ULK4: variants seen among roughly 807,000 people sequenced by gnomAD.
ULK4 encodes the protein unc-51 like kinase 4.
ULK4 carries 133 observed loss-of-function variants against 160.6 expected under a neutral mutation model. The observed-to-expected ratio is 0.83, with a 90% confidence interval of 0.72 to 0.96. The LOEUF (loss-of-function observed/expected upper bound fraction) is 0.96. Among genes scored for constraint, ULK4 ranks in the 40% least tolerant of loss-of-function variants. The probability of loss-of-function intolerance (pLI) is 0.00; values close to 1 mark genes in which losing one functional copy is unlikely to be tolerated. For synonymous variants in ULK4, 534 were observed against 539.8 expected (o/e 0.99, Z 0.15); for missense variants, 1,580 against 1,499.5 (o/e 1.05, Z -0.89).
chr3:41,588,177 A>C (rs2030974794), intron 31 of ULK4, among the ~76,000 whole-genome samples: 3 of 152,018 alleles, frequency 2.0e-5, no homozygotes, highest in African/African-American at 7.3e-5. Flanking sequence ...ACAAAACAAA[A>C]CACCACAATG....
intron 17 of ULK4, among the ~76,000 whole-genome samples, chr3:41,875,755 TAA>T (rs59175514): frequency 0.31 from 47,131 of 151,792 alleles, 10,669 homozygotes; most frequent in African/African-American, 0.65. Flanking sequence ...ATAATCTATA[TAA>T]GTTTTAATAT....
At chr3:41,472,364 T>C (rs1302523790) in intron 32 of ULK4, among the ~76,000 whole-genome samples, 1 of 151,398 alleles carries the variant, frequency 6.6e-6, no homozygotes, top group Admixed American at 6.6e-5. Context: ...AGGTCAGGAG[T>C]TCAAAACCAG....
At chr3:41,510,152 T>C (rs2085521273) in intron 32 of ULK4, among the ~76,000 whole-genome samples, 1 of 152,114 alleles carries the variant, frequency 6.6e-6, no homozygotes, top group Non-Finnish European at 1.5e-5. Context: ...TCCATGCACA[T>C]GGACACCAAA....
intron 35 of ULK4, among the ~76,000 whole-genome samples, chr3:41,353,748 TAC>T (rs2080971575): frequency 7.4e-6 from 1 of 136,048 alleles, no homozygotes; most frequent in South Asian, 2.3e-4. Context: ...CTACTACTAC[TAC>T]TAAAGCAAAA....
intron 35 of ULK4, among the ~76,000 whole-genome samples, chr3:41,325,813 G>A (rs2080330031): frequency 1.3e-5 from 2 of 152,072 alleles, no homozygotes; most frequent in Admixed American, 1.3e-4. Flanking sequence ...CAGCTACTCA[G>A]AAGGCTGAGG....
At chr3:41,714,348 C>A (rs1699600803) in intron 25 of ULK4, among the ~76,000 whole-genome samples, 1 of 152,152 alleles carries the variant, frequency 6.6e-6, no homozygotes, top group Admixed American at 6.5e-5. Context: ...AAAACCATAT[C>A]CTCACTTGTT....
At chr3:41,390,494 A>G (rs906117757) in intron 35 of ULK4, among the ~76,000 whole-genome samples, 17 of 151,672 alleles carry the variant, frequency 1.1e-4, no homozygotes, top group Non-Finnish European at 1.3e-4. Flanking sequence ...GCTTTCTCTT[A>G]CGGGCATTTA....
At chr3:41,834,868 AC>A (rs1218171181) in intron 18 of ULK4, among the ~76,000 whole-genome samples, 1 of 152,192 alleles carries the variant, frequency 6.6e-6, no homozygotes, top group Non-Finnish European at 1.5e-5. Context: ...ACATGGCGAA[AC>A]CCCATCTTCA....
At chr3:41,761,823 C>G (rs940568582) in intron 21 of ULK4, among the ~76,000 whole-genome samples, 1 of 152,048 alleles carries the variant, frequency 6.6e-6, no homozygotes, top group African/African-American at 2.4e-5. Context: ...AACCTGTAAT[C>G]CCAGCACTAT....
chr3:41,595,068 C>T (rs2031600840), intron 31 of ULK4, among the ~76,000 whole-genome samples: 1 of 152,180 alleles, frequency 6.6e-6, no homozygotes, highest in Admixed American at 6.5e-5. Flanking sequence ...TCTATAAAGT[C>T]TAAGATATTT....
In ULK4 at chr3:41,615,697, A is replaced by C. The variant is rs2032929486; in HGVS notation, c.3092T>G (p.Leu1031Arg). Reference protein sequence around the residue: ...TFTRLVEESKLIPLIFEVTLE... With the variant: ...TFTRLVEESKRIPLIFEVTLE... ...AGTTACTTCAAAAATGAGTGGGATCAGTTTGCTTTCTTCCACAAGTCTGTT... is the reference window on the plus strand; with the variant it reads ...AGTTACTTCAAAAATGAGTGGGATCCGTTTGCTTTCTTCCACAAGTCTGTT... The change falls in exon 31 of 37, where the codon CTG (leucine) becomes CGG (arginine). Residue 1031 changes from leucine (L) to arginine (R), a missense_variant. Transcript: ENST00000301831. 1 of 1,613,320 alleles carries C rather than the reference A, an allele frequency of 6.2e-7. No individual in the cohort carries two copies. Among genetic ancestry groups the C allele is most frequent in the South Asian group, 1.1e-5 (1 of 90,900 alleles).
At chr3:41,806,326 T>C (rs1197783813) in intron 19 of ULK4, among the ~76,000 whole-genome samples, 2 of 152,130 alleles carry the variant, frequency 1.3e-5, no homozygotes, top group Admixed American at 1.3e-4. Flanking sequence ...GGATCGGTGG[T>C]GATATCCCCT....
intron 21 of ULK4, among the ~76,000 whole-genome samples, chr3:41,784,295 G>T (rs572766228): frequency 1.3e-5 from 2 of 151,942 alleles, no homozygotes; most frequent in African/African-American, 4.8e-5. Context: ...TTAGCCAGGC[G>T]TGGTGACACA....
chr3:41,732,029 G>C (rs1041720277), intron 22 of ULK4, among the ~76,000 whole-genome samples: 3 of 152,102 alleles, frequency 2.0e-5, no homozygotes, highest in African/African-American at 7.2e-5. Flanking sequence ...CTAGGAAACT[G>C]CTAGAAGAAT....
chr3:41,956,575 A>G (rs1465618167), intron 1 of ULK4, among the ~76,000 whole-genome samples: 1 of 152,188 alleles, frequency 6.6e-6, no homozygotes, highest in Admixed American at 6.5e-5. Context: ...AATTTTGAGA[A>G]GCAAAAGAGA....
chr3:41,457,011 A>T (rs2083569580), intron 33 of ULK4, among the ~76,000 whole-genome samples: 1 of 152,156 alleles, frequency 6.6e-6, no homozygotes, highest in South Asian at 2.1e-4. Flanking sequence ...TCCCTGACTA[A>T]CTTTATCGGA....
At chr3:41,488,133 C>A (rs1011176630) in intron 32 of ULK4, among the ~76,000 whole-genome samples, 2 of 152,112 alleles carry the variant, frequency 1.3e-5, no homozygotes, top group East Asian at 1.9e-4. Flanking sequence ...TATGGACAAC[C>A]GAGTTAGAGA....
chr3:41,597,682 A>T (rs548652397), intron 31 of ULK4, among the ~76,000 whole-genome samples: 1 of 152,276 alleles, frequency 6.6e-6, no homozygotes, highest in South Asian at 2.1e-4. Flanking sequence ...GCACAATGAG[A>T]CAGCACTGCC....
intron 35 of ULK4, among the ~76,000 whole-genome samples, chr3:41,296,953 T>C (rs1264371054): frequency 6.6e-6 from 1 of 152,128 alleles, no homozygotes; most frequent in African/African-American, 2.4e-5. Flanking sequence ...AGAATCATGT[T>C]GAGGAAATGG....
Sources: allele counts gnomAD v4.1 joint callset (sites outside exome capture counted in the v4.1 genomes callset), GRCh38; gene constraint gnomAD v4.1.1; transcripts MANE v1.5; gene names NCBI Gene and HGNC (gene_info 2026-07-23, HGNC 2026-07-21).